PSMA8: variants seen among roughly 807,000 people sequenced by gnomAD.
The protein encoded by PSMA8 is proteasome subunit alpha-type 8.
Under a neutral mutation model 32.4 loss-of-function variants are expected in PSMA8, and 18 were observed. The ratio of observed to expected loss-of-function variants is 0.56; its 90% CI spans 0.38 to 0.82. The LOEUF (loss-of-function observed/expected upper bound fraction) is 0.82. PSMA8 is among the 40% of genes least tolerant of loss of function. The probability of loss-of-function intolerance (pLI) is 0.00; values close to 1 mark genes in which losing one functional copy is unlikely to be tolerated. For synonymous variants in PSMA8, 104 were observed against 98.1 expected (o/e 1.06, Z -0.36); for missense variants, 298 against 300.7 (o/e 0.99, Z 0.07).
chr18:26,175,036 T>C (rs1197826312), intron 4 of PSMA8, among the ~76,000 whole-genome samples: 1 of 152,234 alleles, frequency 6.6e-6, no homozygotes, highest in Non-Finnish European at 1.5e-5. Context: ...AATATAATCC[T>C]CCAATTTATT....
chr18:26,181,238 G>A (rs1235567011), intron 6 of PSMA8, among the ~76,000 whole-genome samples: 2 of 152,116 alleles, frequency 1.3e-5, no homozygotes, highest in East Asian at 1.9e-4. Context: ...ATATAACGGT[G>A]ATCTGTGATC....
intron 2 of PSMA8, among the ~76,000 whole-genome samples, chr18:26,150,672 T>C (rs1323750675): frequency 2.0e-5 from 3 of 152,256 alleles, no homozygotes; most frequent in Non-Finnish European, 2.9e-5. Context: ...TTGCTACTTA[T>C]TGAAAACAGA....
intron 2 of PSMA8, 81 bp from the exon 3 acceptor site, chr18:26,151,777 A>G (rs2055047327): frequency 1.5e-6 from 2 of 1,348,758 alleles, no homozygotes; most frequent in Non-Finnish European, 2.0e-6. Context: ...TTCATTGTGA[A>G]TAAAACCCAT....
intron 4 of PSMA8, 33 bp from the exon 5 acceptor site, chr18:26,178,797 A>G: frequency 6.3e-7 from 1 of 1,593,536 alleles, no homozygotes; most frequent in Non-Finnish European, 8.6e-7. Flanking sequence ...TCCTACTGCA[A>G]TGATATTAAT....
chr18:26,140,356 A>G (rs890353772), intron 1 of PSMA8, among the ~76,000 whole-genome samples: 1 of 152,170 alleles, frequency 6.6e-6, no homozygotes, highest in East Asian at 1.9e-4. Context: ...AAAGTCAGAT[A>G]CCCACGTTAC....
chr18:26,150,928 C>T lies in PSMA8; in HGVS notation c.230-930C>T, dbSNP rs528260000. On this transcript the variant is annotated intron_variant, in intron 2 of 6. Coordinates refer to ENST00000415576, the MANE Select transcript of PSMA8 (RefSeq NM_001025096.2). Reference sequence around the variant, plus strand: ...CATATTTCAAATTGAGTGATGTTTTCATCCATAGGAAAGACTAAATCAGTT... The same window carrying T: ...CATATTTCAAATTGAGTGATGTTTTTATCCATAGGAAAGACTAAATCAGTT... 5.3e-5 allele frequency among the ~76,000 whole-genome samples: 8 copies of T among 152,284 alleles called. No homozygotes were observed. In the South Asian group the frequency reaches 1.7e-3, roughly 32 times the overall value.
chr18:26,143,648 T>C (rs773653815), intron 1 of PSMA8, among the ~76,000 whole-genome samples: 1 of 152,200 alleles, frequency 6.6e-6, no homozygotes, highest in Non-Finnish European at 1.5e-5. Flanking sequence ...CAAACGTTTA[T>C]TCTTTGATTT....
chr18:26,158,989 C>G (rs1335927632), intron 4 of PSMA8, among the ~76,000 whole-genome samples: 1 of 152,184 alleles, frequency 6.6e-6, no homozygotes, highest in Middle Eastern at 3.4e-3. Context: ...ACCAACCAAA[C>G]AATGCCCCCC....
intron 6 of PSMA8, among the ~76,000 whole-genome samples, chr18:26,184,996 G>T (rs2055341537): frequency 6.8e-6 from 1 of 146,832 alleles, no homozygotes; most frequent in South Asian, 2.1e-4. Context: ...GCTGAGGCAG[G>T]AGAATCGCTT....
Position 26,170,828 on chromosome 18 carries a change from A to ATATATTT in PSMA8, c.478-8001_478-8000insATATTTT, listed in dbSNP as rs1293263826. Reference sequence around the variant, plus strand: ...CTGGCAGAAGTTTATATTTCTCCAAATCAATTTCTGGAAAAAACGTGTCAC... The same window carrying ATATATTT: ...CTGGCAGAAGTTTATATTTCTCCAAATATATTTTCAATTTCTGGAAAAAACGTGTCAC... On this transcript the variant is annotated intron_variant, in intron 4 of 6. Transcript: ENST00000415576. The ATATATTT allele has an allele frequency of 9.6e-6, 15 of 1,559,024 alleles. 1 individual carries two copies. Among genetic ancestry groups the ATATATTT allele is most frequent in the Admixed American group, 1.8e-5 (1 of 55,016 alleles).
chr18:26,148,022 A>G lies in PSMA8; in HGVS notation c.229+3337A>G, dbSNP rs559658453. Among the ~76,000 whole-genome samples, 31 of 152,330 alleles carry G rather than the reference A, an allele frequency of 2.0e-4. No individual in the cohort carries two copies. The South Asian group carries it at 3.7e-3, about 18-fold the overall frequency. ...CTGAACAGACACAATAAGACATTGA[A>G]TGAGTTATTAAAAACCTCCCAACAA... On this transcript the variant is annotated intron_variant, in intron 2 of 6. Coordinates refer to ENST00000415576, the MANE Select transcript of PSMA8 (RefSeq NM_001025096.2).
At position 26,158,199 on chromosome 18, in the gene PSMA8, A is replaced by T; in HGVS notation, c.432A>T (p.Ser144=). ...LIVGFDDDGI[S]RLYQTDPSGT... ...TAGGTTTTGATGATGATGGTATCTC[A>T]AGATTGTATCAGACAGATCCTTCTG... is the stretch of plus-strand genomic sequence containing the variant. Residue 144 remains serine (S), a synonymous_variant, in exon 4 of 7, where the codon TCA becomes TCT. Coordinates refer to ENST00000415576, the MANE Select transcript of PSMA8 (RefSeq NM_001025096.2). 6.2e-7 allele frequency: 1 copy of T among 1,608,326 alleles called. No homozygotes were observed. The highest frequency in any genetic ancestry group is 8.5e-7 in the Non-Finnish European group (1 of 1,175,488).
At chr18:26,167,950 A>G (rs2144325214) in intron 4 of PSMA8, among the ~76,000 whole-genome samples, 1 of 114,386 alleles carries the variant, frequency 8.7e-6, no homozygotes, top group Middle Eastern at 3.7e-3. Flanking sequence ...AATGGCTCCA[A>G]AAGTCTTACA....
At chr18:26,135,750 T>C (rs2054906415) in intron 1 of PSMA8, among the ~76,000 whole-genome samples, 1 of 152,192 alleles carries the variant, frequency 6.6e-6, no homozygotes, top group African/African-American at 2.4e-5. Flanking sequence ...TCATTTAACA[T>C]GTTTTAAGAG....
intron 1 of PSMA8, among the ~76,000 whole-genome samples, chr18:26,144,181 G>A (rs1301982531): frequency 6.6e-6 from 1 of 152,084 alleles, no homozygotes; most frequent in Non-Finnish European, 1.5e-5. Context: ...TATATTAATT[G>A]GGGTGTGATA....
Position 26,178,839 on chromosome 18 carries a change from A to G in PSMA8, c.487A>G (p.Ile163Val), listed in dbSNP as rs758577901. ...ACTTTTATTTTTCAAGGCAAATGCA[A>G]TAGGCCGAAGTGCTAAAACTGTTCG... ...GTYHAWKANA[I>V]GRSAKTVREF... is the part of the protein sequence containing the mutation. Residue 163 changes from isoleucine (I) to valine (V), a missense_variant, in exon 5 of 7, where the codon ATA becomes GTA. Physicochemically the swap from Ile to Val is conservative, Grantham distance 29. Transcript: ENST00000415576. The G allele has an allele frequency of 2.5e-6, 4 of 1,609,328 alleles. No individual in the cohort carries two copies. The highest frequency in any genetic ancestry group is 2.5e-6 in the Non-Finnish European group (3 of 1,178,748).
intron 2 of PSMA8, among the ~76,000 whole-genome samples, chr18:26,150,222 G>A (rs2055034460): frequency 6.6e-6 from 1 of 151,976 alleles, no homozygotes; most frequent in Admixed American, 6.6e-5. Context: ...GAGCGATGAG[G>A]GATACTCAAC....
intron 2 of PSMA8, among the ~76,000 whole-genome samples, chr18:26,149,878 G>A (rs1222165340): frequency 6.6e-6 from 1 of 152,168 alleles, no homozygotes; most frequent in Non-Finnish European, 1.5e-5. Context: ...TCTTGAATAT[G>A]ACACTAAAAG....
Position 26,178,920 on chromosome 18 carries a change from A to G in PSMA8, c.568A>G (p.Ile190Val). Residue 190 changes from isoleucine to valine, a missense_variant, in exon 5 of 7, where the codon ATC becomes GTC. Ile to Val is a conservative substitution (Grantham distance 29). Transcript: ENST00000415576. Reference sequence around the variant, plus strand: ...TGCCATAGCAAGTGACAGTGAAGCTATCAAGTTAGCAATAAAAGCTTTGCT... The same window carrying G: ...TGCCATAGCAAGTGACAGTGAAGCTGTCAAGTTAGCAATAAAAGCTTTGCT... ...EDAIASDSEA[I>V]KLAIKALLEV... is the part of the protein sequence containing the mutation. The G allele has an allele frequency of 8.7e-6, 14 of 1,613,552 alleles. No individual in the cohort carries two copies. Among genetic ancestry groups the G allele is most frequent in the Non-Finnish European group, 1.2e-5 (14 of 1,179,760 alleles).
Sources: gnomAD v4.1 joint callset for allele counts (sites outside exome capture counted in the v4.1 genomes callset) on GRCh38, gnomAD v4.1.1 for gene constraint, MANE v1.5 for transcripts, NCBI Gene and HGNC (gene_info 2026-07-23, HGNC 2026-07-21) for gene names.